Variants in SDHA observed in about 807,000 individuals in gnomAD.
SDHA encodes succinate dehydrogenase [ubiquinone] flavoprotein subunit, mitochondrial.
A neutral mutation model predicts 78.4 loss-of-function variants in SDHA; 48 were observed. The ratio of observed to expected loss-of-function variants is 0.61; its 90% confidence interval spans 0.49 to 0.78. SDHA has a LOEUF of 0.78. Among genes scored for constraint, SDHA ranks in the 30% least tolerant of loss-of-function variants. SDHA has a pLI of 0.00. For missense variants in SDHA, 680 were observed against 892.7 expected, an observed-to-expected ratio of 0.76 and a Z score of 3.04; for synonymous variants, 326 against 353.9, an observed-to-expected ratio of 0.92 and a Z score of 0.88.
chr5:249,870 A>G (rs1394378141), intron 11 of SDHA: 1 of 152,248 alleles, frequency 6.6e-6, no homozygotes, highest in African/African-American at 2.4e-5. Context: ...CAGGGAATAA[A>G]CTGAAAAACT....
intron 13 of SDHA, among the ~76,000 whole-genome samples, chr5:252,193 C>G (rs1168327323): frequency 6.8e-6 from 1 of 146,814 alleles, no homozygotes; most frequent in South Asian, 2.2e-4. Flanking sequence ...AATAAGCCAC[C>G]GTTTCAAACC....
the SDHA span, among the ~76,000 whole-genome samples, chr5:262,172 GTGTGAGCTCCGCCTCCCGC>G: frequency 1.7e-5 from 2 of 115,530 alleles, no homozygotes; most frequent in Admixed American, 8.5e-5. Flanking sequence ...GAGCATTACC[GTGTGAGCTCCGCCTCCCGC>G]CAGAGCATTA....
intron 13 of SDHA, among the ~76,000 whole-genome samples, chr5:252,129 G>C (rs111492923): frequency 2.1e-4 from 29 of 140,490 alleles, no homozygotes; most frequent in Non-Finnish European, 3.1e-5. Flanking sequence ...GTTTATTAAC[G>C]AGTAAGTCAC....
In SDHA at chr5:235,134, G is replaced by T; in HGVS notation, c.1065-10G>T. The T allele has an allele frequency of 6.2e-7, 1 of 1,613,760 alleles. No individual in the cohort carries two copies. The highest frequency in any genetic ancestry group is 8.5e-7 in the Non-Finnish European group (1 of 1,179,674). On this transcript the variant is annotated splice_polypyrimidine_tract_variant and intron_variant, in intron 8 of 14. Coordinates refer to ENST00000264932, the MANE Select transcript of SDHA (RefSeq NM_004168.4). ...TCTCTGCCGTATGTGATGGTGTTCTGTCTTACCAGAGGCTGTGGCCCTGAG... is the reference window on the plus strand; with the variant it reads ...TCTCTGCCGTATGTGATGGTGTTCTTTCTTACCAGAGGCTGTGGCCCTGAG...
rs536956935 is a variant in SDHA, at chr5:233,775, G to A, written c.1064+130G>A. 1.1e-4 allele frequency: 100 copies of A among 899,722 alleles called. 1 individual carries two copies. The African/African-American group carries it at 1.6e-3, about 14-fold the overall frequency. 55.7% of individuals were successfully genotyped at this position (899,722 alleles called of 1,614,324 possible). A position where few individuals can be genotyped will look rare whatever the true frequency, so the allele number is the denominator to read the frequency against. On this transcript the variant is annotated intron_variant, in intron 8 of 14. Transcript: ENST00000264932. ...TGCACAGCCACCTCTCTTAGCTGCT[G>A]GCAGGCGTCTGTTAGTCTGCGATAT...
chr5:266,545 T>G, the SDHA span, among the ~76,000 whole-genome samples: 1 of 152,252 alleles, frequency 6.6e-6, no homozygotes, highest in African/African-American at 2.4e-5. Context: ...CGATGTTTCA[T>G]ATTGAAAATG....
intron 7 of SDHA, 48 bp from the exon 8 acceptor site, chr5:233,429 T>C: frequency 6.3e-7 from 1 of 1,594,790 alleles, no homozygotes; most frequent in Non-Finnish European, 8.6e-7. Flanking sequence ...GCATTTGAAA[T>C]AGAGATCTAG....
At chr5:230,013 TAGAGTTA>T (rs1252240116) in intron 6 of SDHA, among the ~76,000 whole-genome samples, 5 of 147,832 alleles carry the variant, frequency 3.4e-5, no homozygotes, top group African/African-American at 1.1e-4. Context: ...GCATGGTGGC[TAGAGTTA>T]ATATTATACA....
intron 11 of SDHA, among the ~76,000 whole-genome samples, chr5:245,534 A>G (rs1035313767): frequency 6.6e-6 from 1 of 152,236 alleles, no homozygotes; most frequent in Non-Finnish European, 1.5e-5. Flanking sequence ...TCACAGTGTT[A>G]CATTATTCAT....
At chr5:226,382 A>G (rs1377845726) in intron 5 of SDHA, among the ~76,000 whole-genome samples, 3 of 152,222 alleles carry the variant, frequency 2.0e-5, no homozygotes, top group Non-Finnish European at 4.4e-5. Context: ...CTGTAATCCC[A>G]GCACTTTAGG....
intron 11 of SDHA, chr5:249,394 G>T: frequency 5.5e-6 from 1 of 183,252 alleles, no homozygotes; most frequent in Non-Finnish European, 1.1e-5. Context: ...AATCTCTGCA[G>T]CACTCTGACA....
chr5:240,985 T>C (rs10060016), intron 11 of SDHA, among the ~76,000 whole-genome samples: 35,913 of 151,096 alleles, frequency 0.24, 6,665 homozygotes, highest in African/African-American at 0.52. Context: ...GATAAATACA[T>C]AAGGCTGCAC....
chr5:239,673 T>C (rs1457923898), intron 10 of SDHA, among the ~76,000 whole-genome samples: 1 of 152,092 alleles, frequency 6.6e-6, no homozygotes, highest in Non-Finnish European at 1.5e-5. Flanking sequence ...ATGTGAAGGG[T>C]GGCCGGCCCC....
intron 1 of SDHA, among the ~76,000 whole-genome samples, chr5:221,885 G>A (rs1230608589): frequency 6.6e-6 from 1 of 152,066 alleles, no homozygotes; most frequent in Non-Finnish European, 1.5e-5. Context: ...TTTTAAGCCA[G>A]CTCTGTGTGT....
intron 1 of SDHA, among the ~76,000 whole-genome samples, chr5:218,945 C>G (rs542705673): frequency 6.6e-6 from 1 of 151,910 alleles, no homozygotes; most frequent in South Asian, 2.1e-4. Flanking sequence ...CGGGCTCGGC[C>G]CGGTGGGCGT....
At chr5:258,546 C>T (rs1380806665), downstream of SDHA, among the ~76,000 whole-genome samples, 4 of 121,456 alleles carry the variant, frequency 3.3e-5, no homozygotes, top group South Asian at 2.5e-4. Context: ...GCTCCTTCTC[C>T]TCTCAGAGCC....
intron 5 of SDHA, among the ~76,000 whole-genome samples, chr5:227,041 C>G (rs182393756): frequency 6.6e-6 from 1 of 151,718 alleles, no homozygotes; most frequent in Non-Finnish European, 1.5e-5. Flanking sequence ...GACGGAGTCT[C>G]ACTCTGTCAC....
intron 5 of SDHA, among the ~76,000 whole-genome samples, chr5:226,928 CAAAAAAAAA>C (rs554077502): frequency 1.2e-5 from 1 of 82,512 alleles, no homozygotes; most frequent in Non-Finnish European, 2.5e-5. Context: ...GACTCCATCT[CAAAAAAAAA>C]AAAAAAAAAA....
intron 9 of SDHA, 42 bp downstream of exon 9, chr5:235,381 G>C: frequency 6.3e-7 from 1 of 1,588,282 alleles, no homozygotes; most frequent in Non-Finnish European, 8.6e-7. Context: ...AAAGAAGGCT[G>C]GGACGACGGG....
Sources: allele counts gnomAD v4.1 joint callset (sites outside exome capture counted in the v4.1 genomes callset), GRCh38; gene constraint gnomAD v4.1.1; transcripts MANE v1.5; gene names NCBI Gene and HGNC (gene_info 2026-07-23, HGNC 2026-07-21).